CARMIL1: variants seen among roughly 807,000 people sequenced by gnomAD.
The protein encoded by CARMIL1 is F-actin-uncapping protein LRRC16A.
A neutral mutation model predicts 177.1 loss-of-function variants in CARMIL1; 90 were observed. The observed-to-expected ratio is 0.51, with a 90% confidence interval of 0.43 to 0.61. The LOEUF (loss-of-function observed/expected upper bound fraction) is 0.61, where lower values mean the gene tolerates loss of function less well. Ranked by LOEUF, CARMIL1 falls within the 20% of genes least tolerant of loss-of-function variation. The pLI is 0.00. For synonymous variants in CARMIL1, 577 were observed against 606.2 expected, an observed-to-expected ratio of 0.95 and a Z score of 0.71; for missense variants, 1,380 against 1,667.0, an observed-to-expected ratio of 0.83 and a Z score of 3.00.
At chr6:25,358,367 G>A (rs904029134) in intron 2 of CARMIL1, among the ~76,000 whole-genome samples, 14 of 152,302 alleles carry the variant, frequency 9.2e-5, no homozygotes, top group African/African-American at 3.1e-4. Flanking sequence ...TTACTTGAAT[G>A]TGACGCATAA....
chr6:25,467,478 G>A (rs1485281715), intron 9 of CARMIL1, among the ~76,000 whole-genome samples: 1 of 152,234 alleles, frequency 6.6e-6, no homozygotes, highest in East Asian at 1.9e-4. Flanking sequence ...GGGGCCTCAA[G>A]AGGGTTTCAA....
At chr6:25,395,360 G>T (rs1015158623) in intron 2 of CARMIL1, among the ~76,000 whole-genome samples, 1 of 152,134 alleles carries the variant, frequency 6.6e-6, no homozygotes, top group South Asian at 2.1e-4. Flanking sequence ...GATTGACACC[G>T]CTGAAAATTT....
At chr6:25,557,760 T>C (rs906725992) in intron 29 of CARMIL1, among the ~76,000 whole-genome samples, 14 of 152,222 alleles carry the variant, frequency 9.2e-5, no homozygotes, top group African/African-American at 3.4e-4. Flanking sequence ...GGATCTGATA[T>C]GGCCGATATT....
intron 27 of CARMIL1, among the ~76,000 whole-genome samples, chr6:25,552,307 A>G (rs1810182661): frequency 6.6e-6 from 1 of 152,166 alleles, no homozygotes; most frequent in African/African-American, 2.4e-5. Context: ...CTTTCATAAT[A>G]GTGGTTTCAG....
chr6:25,476,087 G>T (rs556634526), intron 11 of CARMIL1, among the ~76,000 whole-genome samples: 75 of 152,300 alleles, frequency 4.9e-4, no homozygotes, highest in Non-Finnish European at 8.7e-4. Flanking sequence ...TGATTGATTT[G>T]ATTTTATTCA....
chr6:25,451,988 C>CCCCTCCT, intron 8 of CARMIL1: 3 of 68,726 alleles, frequency 4.4e-5, no homozygotes, highest in Admixed American at 3.3e-4. Context: ...AGCATCTTGC[C>CCCCTCCT]CCCCCCTCCC....
Position 25,558,190 on chromosome 6 carries a change from AAAT to A in CARMIL1, c.2742+1346_2742+1348del, listed in dbSNP as rs1424356437. On this transcript the variant is annotated intron_variant, in intron 29 of 36. Coordinates refer to ENST00000329474, the MANE Select transcript of CARMIL1 (RefSeq NM_017640.6). The surrounding 1 kb of genome is among the most constrained non-coding windows in gnomAD (Gnocchi z 4.1). ...TCTTAGACTAGCCCTAAAAGAAAAC[AAAT>A]AATAAGAAATAGATTTGAATTAAAA... is the stretch of plus-strand genomic sequence containing the variant. Among the ~76,000 whole-genome samples the A allele has an allele frequency of 4.6e-5, 7 of 152,360 alleles. No individual in the cohort carries two copies. The South Asian group carries it at 1.2e-3, about 27-fold the overall frequency.
At position 25,497,927 on chromosome 6, in the gene CARMIL1, A is replaced by G. The variant is rs1037653510; in HGVS notation, c.1326-2239A>G. On this transcript the variant is annotated intron_variant, in intron 16 of 36. Coordinates refer to ENST00000329474, the MANE Select transcript of CARMIL1 (RefSeq NM_017640.6). ...TTTGAGGCCTTTTTTGGTCCATGTT[A>G]ATGTATTTCAAGGGGGTTTAGAGAA... 2.6e-5 allele frequency among the ~76,000 whole-genome samples: 4 copies of G among 152,028 alleles called. No individual in the cohort carries two copies. In the East Asian group the frequency reaches 5.8e-4, roughly 22 times the overall value.
chr6:25,460,113 G>A (rs1200541302), intron 8 of CARMIL1, among the ~76,000 whole-genome samples: 1 of 152,202 alleles, frequency 6.6e-6, no homozygotes, highest in African/African-American at 2.4e-5. Context: ...AAAACACGAG[G>A]AAGGATCTGT....
intron 35 of CARMIL1, among the ~76,000 whole-genome samples, chr6:25,608,148 A>T (rs890402605): frequency 2.0e-5 from 3 of 152,214 alleles, no homozygotes; most frequent in Non-Finnish European, 4.4e-5. Context: ...TATAGAATGA[A>T]TCTAGTTTGT....
chr6:25,538,079 C>A, intron 25 of CARMIL1, 96 bp downstream of exon 25: 1 of 1,352,906 alleles, frequency 7.4e-7, no homozygotes, highest in South Asian at 1.5e-5. Context: ...TCTCTCTACC[C>A]AATTCCAAGT....
At position 25,606,980 on chromosome 6, in the gene CARMIL1, A is replaced by G. The variant is rs1242982862; in HGVS notation, c.3847+707A>G. On this transcript the variant is annotated intron_variant, in intron 35 of 36. Transcript: ENST00000329474. ...TTAGAAATGGATTGGTCTTCACCTTATTCTCTCCTGCACAAAATAAGGCCA... is the reference window on the plus strand; with the variant it reads ...TTAGAAATGGATTGGTCTTCACCTTGTTCTCTCCTGCACAAAATAAGGCCA... Among the ~76,000 whole-genome samples, 4 of 152,094 alleles carry G rather than the reference A, an allele frequency of 2.6e-5. No homozygotes were observed. The East Asian group carries it at 7.7e-4, about 29-fold the overall frequency.
At chr6:25,335,714 C>T (rs1786141419) in intron 2 of CARMIL1, among the ~76,000 whole-genome samples, 1 of 152,240 alleles carries the variant, frequency 6.6e-6, no homozygotes, top group Non-Finnish European at 1.5e-5. Context: ...ACCTGAGTGG[C>T]CAGGTGAGCT....
intron 2 of CARMIL1, among the ~76,000 whole-genome samples, chr6:25,357,708 T>C (rs1199460947): frequency 6.6e-6 from 1 of 152,254 alleles, no homozygotes; most frequent in Non-Finnish European, 1.5e-5. Context: ...GATAAGCTTC[T>C]CAGTATAAAC....
At chr6:25,553,679 A>G (rs910356938) in intron 27 of CARMIL1, among the ~76,000 whole-genome samples, 4 of 152,190 alleles carry the variant, frequency 2.6e-5, no homozygotes, top group East Asian at 1.9e-4. Context: ...CTTTATGTCA[A>G]TGGATGAATT....
chr6:25,386,461 T>A (rs1007584028), intron 2 of CARMIL1, among the ~76,000 whole-genome samples: 11 of 152,036 alleles, frequency 7.2e-5, no homozygotes, highest in Admixed American at 6.6e-4. Flanking sequence ...ACCATGTTGG[T>A]GAAACTGCTG....
chr6:25,504,320 G>T (rs1169884328), intron 17 of CARMIL1, among the ~76,000 whole-genome samples: 1 of 152,080 alleles, frequency 6.6e-6, no homozygotes, highest in Non-Finnish European at 1.5e-5. Flanking sequence ...AATTATTTTT[G>T]ATTTTGCCAT....
At chr6:25,471,845 A>C (rs1290471125) in intron 10 of CARMIL1, among the ~76,000 whole-genome samples, 1 of 152,158 alleles carries the variant, frequency 6.6e-6, no homozygotes, top group Non-Finnish European at 1.5e-5. Context: ...ACCTAAGCCT[A>C]CTGTTAAGAG....
In CARMIL1 at chr6:25,279,685, C is replaced by G. The variant is rs1780915628; in HGVS notation, c.-111C>G. On this transcript the variant is annotated 5_prime_UTR_variant, in exon 1 of 37. Coordinates refer to ENST00000329474, the MANE Select transcript of CARMIL1 (RefSeq NM_017640.6). ...CCGCCCCCCCTTTTCTTGCCCACTTCCATTTGCAAGCTGCATCTGCCTCTC... is the reference window on the plus strand; with the variant it reads ...CCGCCCCCCCTTTTCTTGCCCACTTGCATTTGCAAGCTGCATCTGCCTCTC... The G allele has an allele frequency of 1.0e-6, 1 of 983,988 alleles. No individual in the cohort carries two copies. Among genetic ancestry groups the G allele is most frequent in the East Asian group, 2.4e-5 (1 of 41,684 alleles). The allele number at this position is 983,988 out of a possible 1,614,324, so 61.0% of individuals were successfully genotyped here.
Sources: allele counts gnomAD v4.1 joint callset (sites outside exome capture counted in the v4.1 genomes callset), GRCh38; gene constraint gnomAD v4.1.1; non-coding constraint Gnocchi (gnomAD v3.1); transcripts MANE v1.5; gene names NCBI Gene and HGNC (gene_info 2026-07-23, HGNC 2026-07-21).